The following ISLR2 variants were observed in gnomAD, a reference collection of about 807,000 sequenced individuals.
The protein encoded by ISLR2 is immunoglobulin superfamily containing leucine-rich repeat protein 2.
ISLR2 carries 16 observed loss-of-function variants against 25.5 expected under a neutral mutation model. The ratio of observed to expected loss-of-function variants is 0.63; its 90% CI spans 0.43 to 0.95. ISLR2 has a LOEUF of 0.95. Among genes scored for constraint, ISLR2 ranks in the 40% least tolerant of loss-of-function variants. The probability of loss-of-function intolerance (pLI) is 0.00; values close to 1 mark genes in which losing one functional copy is unlikely to be tolerated. For synonymous variants in ISLR2, 508 were observed against 486.6 expected (o/e 1.04, Z -0.58); for missense variants, 883 against 1,030.7 (o/e 0.86, Z 1.96).
At chr15:74,140,920 A>G (rs2072607740), downstream of ISLR2, among the ~76,000 whole-genome samples, 2 of 152,242 alleles carry the variant, frequency 1.3e-5, no homozygotes, top group African/African-American at 4.8e-5. Context: ...AAGAGATTAA[A>G]TTTTAAAATG....
rs1269455556 is a variant in ISLR2, at chr15:74,131,336, C to G, written c.-9+20C>G. On this transcript the variant is annotated intron_variant, in intron 2 of 2. Coordinates refer to ENST00000453268, the MANE Select transcript of ISLR2 (RefSeq NM_020851.3). ...TATTGGGTAAGCAATGGGGGCCACC[C>G]CACAACCTTGACCCAGGTGGGGTTA... is the stretch of plus-strand genomic sequence containing the variant. 2 of 152,734 alleles carry G rather than the reference C, an allele frequency of 1.3e-5. No individual in the cohort carries two copies. Among genetic ancestry groups the G allele is most frequent in the Admixed American group, 1.3e-4 (2 of 15,292 alleles). 9.5% of individuals were successfully genotyped at this position (152,734 alleles called of 1,614,324 possible).
At chr15:74,106,822 C>G (rs189343615) in intron 2 of ISLR2, among the ~76,000 whole-genome samples, 2 of 152,266 alleles carry the variant, frequency 1.3e-5, no homozygotes, top group African/African-American at 4.8e-5. Flanking sequence ...AGCTTCCTCC[C>G]AGTGACTTAC....
At chr15:74,125,945 CT>C (rs1336933377), upstream of ISLR2, 2 of 152,194 alleles carry the variant, frequency 1.3e-5, no homozygotes, top group Non-Finnish European at 2.9e-5. Flanking sequence ...AATTAAAAAC[CT>C]TCCACCAAGT....
At chr15:74,119,614 C>G (rs573259814) in intron 2 of ISLR2, among the ~76,000 whole-genome samples, 2 of 152,086 alleles carry the variant, frequency 1.3e-5, no homozygotes, top group East Asian at 3.9e-4. Context: ...GTTCTTACCA[C>G]AAAAATAATA....
intron 2 of ISLR2, among the ~76,000 whole-genome samples, chr15:74,118,644 C>CTATTAT (rs112112565): frequency 0.037 from 5,437 of 145,668 alleles, 106 homozygotes; most frequent in African/African-American, 0.05. Context: ...AAATCTGAAG[C>CTATTAT]TATTATTATT....
In ISLR2 at chr15:74,134,137, C is replaced by A; in HGVS notation, c.1383C>A (p.Asn461Lys). ...ADPAEEQRCG[N>K]GDPSRYVSNH... ...CGGCGGAGGAGCAGCGCTGTGGCAA[C>A]GGGGACCCCTCTCGGTACGTTTCTA... The change falls in exon 3 of 3, where the codon AAC becomes AAA. Residue 461 changes from asparagine to lysine, a missense_variant. By Grantham distance (94) the Asn-to-Lys change is moderately conservative. Around this residue, in one of 2 missense-constraint regions of ISLR2, gnomAD observed 612 missense variants for 642.8 expected, o/e 0.95. Coordinates refer to ENST00000453268, the MANE Select transcript of ISLR2 (RefSeq NM_020851.3). 1 of 1,613,530 alleles carries A rather than the reference C, an allele frequency of 6.2e-7. No individual in the cohort carries two copies. Among genetic ancestry groups the A allele is most frequent in the Non-Finnish European group, 8.5e-7 (1 of 1,179,846 alleles).
rs533030841 is a variant in ISLR2, at chr15:74,136,344, G to T, written c.*1352G>T. The stretch of plus-strand genomic sequence containing the variant: ...CTCTGGAGGGCTCGCGCCCTAGTTC[G>T]CACAAAGCCTGCTCGTGACTGTGCG... On this transcript the variant is annotated 3_prime_UTR_variant, in exon 3 of 3. Transcript: ENST00000453268. The T allele has an allele frequency of 1.2e-5, 2 of 164,822 alleles. No individual in the cohort carries two copies. The highest frequency in any genetic ancestry group is 4.1e-4 in the South Asian group (2 of 4,820). The allele number at this position is 164,822 out of a possible 1,614,324, so 10.2% of individuals were successfully genotyped here. A position where few individuals can be genotyped will look rare whatever the true frequency, so the allele number is the denominator to read the frequency against.
chr15:74,133,814 A>G lies in ISLR2; in HGVS notation c.1060A>G (p.Thr354Ala). The change falls in exon 3 of 3, where the codon ACT becomes GCT. Residue 354 changes from threonine to alanine, a missense_variant. Thr to Ala is a moderately conservative substitution (Grantham distance 58). Transcript: ENST00000453268. ...GAGTGCCAAGGAGGCGGGCGTCTAC[A>G]CTTGCCGTGCACACAATGAGCTGGG... Reference protein sequence around the residue: ...LLSAKEAGVYTCRAHNELGAN... With the variant: ...LLSAKEAGVYACRAHNELGAN... 1.2e-6 allele frequency: 2 copies of G among 1,613,888 alleles called. No individual in the cohort carries two copies. Among genetic ancestry groups the G allele is most frequent in the South Asian group, 1.1e-5 (1 of 91,066 alleles).
chr15:74,141,257 A>G (rs977418003), downstream of ISLR2, among the ~76,000 whole-genome samples: 2 of 152,230 alleles, frequency 1.3e-5, no homozygotes, highest in Non-Finnish European at 2.9e-5. Context: ...TACTGCTTAC[A>G]TGTATTCCCT....
rs1042387000 is a variant in ISLR2, at chr15:74,135,163, T to G, written c.*171T>G. 1 of 747,560 alleles carries G rather than the reference T, an allele frequency of 1.3e-6. No homozygotes were observed. Among genetic ancestry groups the G allele is most frequent in the Admixed American group, 2.9e-5 (1 of 34,120 alleles). 46.3% of individuals were successfully genotyped at this position (747,560 alleles called of 1,614,324 possible). On this transcript the variant is annotated 3_prime_UTR_variant, in exon 3 of 3. Coordinates refer to ENST00000453268, the MANE Select transcript of ISLR2 (RefSeq NM_020851.3). ...ACTTCTATTAGGGAGTGGGCCGATT[T>G]CACCAGTCCCTGCTACCCACGGCTG...
At chr15:74,141,051 G>A (rs2072608444), downstream of ISLR2, among the ~76,000 whole-genome samples, 1 of 152,174 alleles carries the variant, frequency 6.6e-6, no homozygotes, top group African/African-American at 2.4e-5. Flanking sequence ...CCAACTTGTT[G>A]GGTTAAATTA....
intron 2 of ISLR2, among the ~76,000 whole-genome samples, chr15:74,109,973 T>C (rs1198095859): frequency 6.6e-6 from 1 of 152,180 alleles, no homozygotes; most frequent in African/African-American, 2.4e-5. Flanking sequence ...TTTTTATTTT[T>C]TGTGGCGACA....
In ISLR2 at chr15:74,134,044, G is replaced by A. The variant is rs139940805; in HGVS notation, c.1290G>A (p.Glu430=). ...TGGCCAAGGTCAGCATTCTCGGGGA[G>A]ACCGAGACGGAGCCGGAGGAGGACA... is the stretch of plus-strand genomic sequence containing the variant. ...QGLAKVSILG[E]TETEPEEDTS... The change falls in exon 3 of 3, where the codon GAG becomes GAA. Residue 430 remains glutamate, a synonymous_variant. Transcript: ENST00000453268. The A allele has an allele frequency of 1.2e-6, 2 of 1,613,568 alleles. No individual in the cohort carries two copies. The highest frequency in any genetic ancestry group is 2.2e-5 in the East Asian group (1 of 44,882).
In ISLR2 at chr15:74,134,720, A is replaced by G; in HGVS notation, c.1966A>G (p.Lys656Glu). ...GCGTGCTTCGTACCTCGAGTCCGAGAAAAGCTACCCGGCAGGCGGCGAGGC... is the reference window on the plus strand; with the variant it reads ...GCGTGCTTCGTACCTCGAGTCCGAGGAAAGCTACCCGGCAGGCGGCGAGGC... The part of the protein sequence containing the change: ...DPRASYLESE[K>E]SYPAGGEAGG... Residue 656 changes from lysine (K) to glutamate (E), a missense_variant, in exon 3 of 3, where the codon AAA (lysine) becomes GAA (glutamate). Lys to Glu is a moderately conservative substitution (Grantham distance 56, BLOSUM62 1). Coordinates refer to ENST00000453268, the MANE Select transcript of ISLR2 (RefSeq NM_020851.3). 3 of 1,614,080 alleles carry G rather than the reference A, an allele frequency of 1.9e-6. No individual in the cohort carries two copies. Among genetic ancestry groups the G allele is most frequent in the Non-Finnish European group, 2.5e-6 (3 of 1,179,992 alleles).
chr15:74,107,284 A>G (rs1336849292), intron 2 of ISLR2, among the ~76,000 whole-genome samples: 3 of 152,204 alleles, frequency 2.0e-5, no homozygotes, highest in Non-Finnish European at 4.4e-5. Flanking sequence ...GATCCCAGGA[A>G]CTGATCCACC....
intron 2 of ISLR2, among the ~76,000 whole-genome samples, chr15:74,119,566 C>T (rs533807414): frequency 3.3e-5 from 5 of 152,012 alleles, no homozygotes; most frequent in Non-Finnish European, 7.4e-5. Flanking sequence ...CCTTCCTCAC[C>T]GCTAGTAAAC....
chr15:74,135,092 T>A lies in ISLR2; in HGVS notation c.*100T>A. On this transcript the variant is annotated 3_prime_UTR_variant, in exon 3 of 3. Coordinates refer to ENST00000453268, the MANE Select transcript of ISLR2 (RefSeq NM_020851.3). ...GACTTATGTCCCCCGTCCCCAACCT[T>A]CACCTACTCCTCCCCCTTACTACTC... 4.3e-6 allele frequency: 6 copies of A among 1,405,662 alleles called. No homozygotes were observed. The highest frequency in any genetic ancestry group is 5.8e-6 in the Non-Finnish European group (6 of 1,027,156). The allele number at this position is 1,405,662 out of a possible 1,614,324, so 87.1% of individuals were successfully genotyped here.
chr15:74,117,567 C>G (rs1170568458), intron 2 of ISLR2, among the ~76,000 whole-genome samples: 1 of 152,080 alleles, frequency 6.6e-6, no homozygotes, highest in Non-Finnish European at 1.5e-5. Context: ...CCTGTAATCC[C>G]AGCTACTTGG....
At position 74,102,553 on chromosome 15, in the gene ISLR2, C is replaced by G. The variant is rs1020411054; in HGVS notation, n.160-1293C>G. On this transcript the variant is annotated intron_variant and non_coding_transcript_variant, in intron 1 of 3. Coordinates refer to the ISLR2 transcript ENST00000561975. The stretch of plus-strand genomic sequence containing the variant: ...GAGTGCATCCTAATCACTTGCAAGG[C>G]TTGTGAAATGGGCTGCTGGGCCCCA... Among the ~76,000 whole-genome samples, 56 of 150,850 alleles carry G rather than the reference C, an allele frequency of 3.7e-4. 1 individual carries two copies. The highest frequency in any genetic ancestry group is 1.3e-3 in the African/African-American group (52 of 40,702).
Sources: gnomAD v4.1 joint callset for allele counts (sites outside exome capture counted in the v4.1 genomes callset) on GRCh38, gnomAD v4.1.1 for gene constraint, gnomAD v4.1.1 regional missense constraint, MANE v1.5 for transcripts, NCBI Gene and HGNC (gene_info 2026-07-23, HGNC 2026-07-21) for gene names.